Variants in LRRC69 observed in about 807,000 individuals in gnomAD.
The protein encoded by LRRC69 is leucine rich repeat containing 69.
In LRRC69, 42 loss-of-function variants were observed where a neutral mutation model predicts 37.8. The ratio of observed to expected loss-of-function variants is 1.11; its 90% confidence interval spans 0.87 to 1.44. The LOEUF is 1.44. Ranked by LOEUF, LRRC69 falls within the 40% of genes most tolerant of loss-of-function variation. LRRC69 has a pLI of 0.00. For missense variants in LRRC69, 357 were observed against 401.9 expected, an observed-to-expected ratio of 0.89 and a Z score of 0.96; for synonymous variants, 141 against 143.1, an observed-to-expected ratio of 0.99 and a Z score of 0.11.
At chr8:91,178,679 C>A (rs1246631747) in intron 5 of LRRC69, among the ~76,000 whole-genome samples, 1 of 152,172 alleles carries the variant, frequency 6.6e-6, no homozygotes, top group Non-Finnish European at 1.5e-5. Context: ...TTTCAAGGAA[C>A]ATTCAGAAAT....
chr8:91,172,199 A>G (rs998099002), intron 5 of LRRC69, among the ~76,000 whole-genome samples: 4 of 151,992 alleles, frequency 2.6e-5, no homozygotes, highest in African/African-American at 9.6e-5. Flanking sequence ...TTCTTACCAC[A>G]ATAAAAATGC....
chr8:91,161,985 A>G (rs185799023), intron 5 of LRRC69, among the ~76,000 whole-genome samples: 21 of 151,482 alleles, frequency 1.4e-4, no homozygotes, highest in Admixed American at 1.4e-3. Context: ...AGAAACTTAA[A>G]AGTTTTCTTC....
At chr8:91,177,934 C>T (rs532950468) in intron 5 of LRRC69, among the ~76,000 whole-genome samples, 10 of 150,850 alleles carry the variant, frequency 6.6e-5, no homozygotes, top group Middle Eastern at 3.4e-3. Flanking sequence ...CGGTACGCTC[C>T]GCCTCCCGGG....
chr8:91,174,537 T>C (rs1373410019), intron 5 of LRRC69, among the ~76,000 whole-genome samples: 1 of 152,152 alleles, frequency 6.6e-6, no homozygotes, highest in Non-Finnish European at 1.5e-5. Flanking sequence ...TCCTGTCAGA[T>C]AAGATAAATG....
intron 5 of LRRC69, among the ~76,000 whole-genome samples, chr8:91,150,254 A>G (rs202210213): frequency 6.6e-6 from 1 of 151,688 alleles, no homozygotes; most frequent in Non-Finnish European, 1.5e-5. Context: ...TTTGAGATAC[A>G]TCCCATCAAT....
At chr8:91,151,079 A>G (rs1228724898) in intron 5 of LRRC69, among the ~76,000 whole-genome samples, 4 of 151,176 alleles carry the variant, frequency 2.6e-5, no homozygotes, top group Non-Finnish European at 5.9e-5. Flanking sequence ...TTGTGTCTCT[A>G]TTTCCTTCAG....
intron 5 of LRRC69, among the ~76,000 whole-genome samples, chr8:91,169,034 T>A (rs975122190): frequency 2.0e-5 from 3 of 151,954 alleles, no homozygotes; most frequent in Non-Finnish European, 4.4e-5. Flanking sequence ...CATCAACAAT[T>A]CAGACACTTA....
At chr8:91,188,306 T>C (rs1296065179) in intron 5 of LRRC69, among the ~76,000 whole-genome samples, 1 of 152,250 alleles carries the variant, frequency 6.6e-6, no homozygotes, top group African/African-American at 2.4e-5. Flanking sequence ...ATTCATTGCA[T>C]GCTTGCTACG....
At chr8:91,131,982 G>GT (rs1813816295) in intron 3 of LRRC69, among the ~76,000 whole-genome samples, 1 of 151,678 alleles carries the variant, frequency 6.6e-6, no homozygotes. Flanking sequence ...TTCTTTTGTT[G>GT]TTTTTCCTAT....
At chr8:91,113,277 A>G (rs1305677247) in intron 1 of LRRC69, among the ~76,000 whole-genome samples, 3 of 152,060 alleles carry the variant, frequency 2.0e-5, no homozygotes, top group South Asian at 2.1e-4. Flanking sequence ...GAGCAAAGAC[A>G]TGAAAGCTAG....
chr8:91,136,525 C>T (rs1808421816), intron 5 of LRRC69, among the ~76,000 whole-genome samples: 1 of 151,864 alleles, frequency 6.6e-6, no homozygotes, highest in Admixed American at 6.6e-5. Context: ...ATAAAATTTA[C>T]CATTTTAATC....
intron 6 of LRRC69, among the ~76,000 whole-genome samples, chr8:91,190,281 T>A (rs1053091563): frequency 3.3e-5 from 5 of 151,896 alleles, no homozygotes; most frequent in South Asian, 2.1e-4. Context: ...TTTTTTTTTT[T>A]AATTAAATTA....
intron 5 of LRRC69, among the ~76,000 whole-genome samples, chr8:91,147,892 T>A (rs1808651384): frequency 6.6e-6 from 1 of 151,570 alleles, no homozygotes; most frequent in South Asian, 2.1e-4. Context: ...TTGGTGTGTA[T>A]TGTTCCCTTC....
intron 7 of LRRC69, among the ~76,000 whole-genome samples, chr8:91,202,295 A>G (rs1809723702): frequency 6.6e-6 from 1 of 152,210 alleles, no homozygotes; most frequent in Admixed American, 6.5e-5. Context: ...TGTAGAGGCT[A>G]GAAGTTTAAA....
chr8:91,171,559 G>C (rs1412085901), intron 5 of LRRC69, among the ~76,000 whole-genome samples: 1 of 152,048 alleles, frequency 6.6e-6, no homozygotes, highest in Non-Finnish European at 1.5e-5. Flanking sequence ...AATCAGCACA[G>C]ATGTTGATAC....
chr8:91,164,628 T>C (rs1435472729), intron 5 of LRRC69, among the ~76,000 whole-genome samples: 1 of 151,734 alleles, frequency 6.6e-6, no homozygotes, highest in Non-Finnish European at 1.5e-5. Context: ...TTGAAAACTA[T>C]GCTGGTTTTG....
intron 5 of LRRC69, among the ~76,000 whole-genome samples, chr8:91,176,513 C>T (rs1330261640): frequency 6.6e-6 from 1 of 152,094 alleles, no homozygotes; most frequent in Admixed American, 6.6e-5. Context: ...ATATCTCTCT[C>T]TCTTTCTCAA....
rs555690485 is a variant in LRRC69 at position 91,186,544 on chromosome 8, TGG to T, written c.652-2977_652-2976del. Among the ~76,000 whole-genome samples the T allele has an allele frequency of 1.9e-4, 29 of 152,286 alleles. No homozygotes were observed. The East Asian group carries it at 4.0e-3, about 21-fold the overall frequency. On this transcript the variant is annotated intron_variant, in intron 5 of 7. Coordinates refer to ENST00000448384, the Ensembl canonical transcript of LRRC69. Reference sequence around the variant, plus strand: ...TAAAGATGGGGCTTACTAGGATATATGGTTGGAGAGTCAGCCAAGGAGAGCCA... The same window carrying T: ...TAAAGATGGGGCTTACTAGGATATATTTGGAGAGTCAGCCAAGGAGAGCCA...
At chr8:91,206,883 G>C (rs561270919) in intron 7 of LRRC69, 10 of 1,265,002 alleles carry the variant, frequency 7.9e-6, no homozygotes, top group Non-Finnish European at 1.0e-5. Flanking sequence ...CCAAGTAGAG[G>C]ATATGGGCAG....
Sources: allele counts gnomAD v4.1 joint callset (sites outside exome capture counted in the v4.1 genomes callset), GRCh38; gene constraint gnomAD v4.1.1; transcripts MANE v1.5; gene names NCBI Gene and HGNC (gene_info 2026-07-23, HGNC 2026-07-21).